The following SYTL3 variants were observed in gnomAD, a reference collection of about 807,000 sequenced individuals.
SYTL3 encodes the protein synaptotagmin like 3.
In SYTL3, 88 loss-of-function variants were observed where a neutral mutation model predicts 82.1. The observed-to-expected ratio is 1.07, with a 90% CI of 0.90 to 1.28. The LOEUF is 1.28. Among genes scored for constraint, SYTL3 ranks in the 50% most tolerant of loss-of-function variants. The pLI, the probability that SYTL3 is intolerant of heterozygous loss-of-function variation, is 0.00. For missense variants in SYTL3, 831 were observed against 757.6 expected (o/e 1.10, Z -1.14); for synonymous variants, 311 against 289.4 (o/e 1.07, Z -0.76).
chr6:158,760,800 G>GT, intron 15 of SYTL3, 55 bp downstream of exon 15: 1 of 1,426,890 alleles, frequency 7.0e-7, no homozygotes, highest in East Asian at 2.3e-5. Flanking sequence ...GCAGAGCCTG[G>GT]TGCTGCAGGC....
Position 158,762,875 on chromosome 6 carries a change from C to T in SYTL3, c.1518-429C>T, listed in dbSNP as rs138155759. ...GAGGTTGCAGTGAGCTGAGATGGTG[C>T]CACTTCACTCCAGCCTGGGCGACAG... is the stretch of plus-strand genomic sequence containing the variant. On this transcript the variant is annotated intron_variant, in intron 16 of 17. Transcript: ENST00000611299. Among the ~76,000 whole-genome samples, 606 of 152,196 alleles carry T rather than the reference C, an allele frequency of 4.0e-3. 3 individuals are homozygous for T. Among genetic ancestry groups the T allele is most frequent in the Non-Finnish European group, 6.3e-3 (430 of 68,010 alleles).
At chr6:158,740,457 C>T (rs546811415) in intron 11 of SYTL3, among the ~76,000 whole-genome samples, 21 of 152,204 alleles carry the variant, frequency 1.4e-4, no homozygotes, top group African/African-American at 5.1e-4. Context: ...TTATATCTTT[C>T]AGTGCCAGTA....
chr6:158,751,828 T>G (rs1265131939), intron 12 of SYTL3, 100 bp from the exon 13 acceptor site: 7 of 869,112 alleles, frequency 8.1e-6, no homozygotes, highest in Non-Finnish European at 1.2e-5. Flanking sequence ...GGAAGCCTGG[T>G]AAAGAAAACG....
intron 11 of SYTL3, among the ~76,000 whole-genome samples, chr6:158,738,461 C>T (rs954407329): frequency 1.3e-5 from 2 of 152,152 alleles, no homozygotes; most frequent in Non-Finnish European, 2.9e-5. Context: ...CTGATGCCTG[C>T]AGCAATACTT....
At chr6:158,654,763 A>G (rs1224983800) in intron 2 of SYTL3, among the ~76,000 whole-genome samples, 1 of 152,126 alleles carries the variant, frequency 6.6e-6, no homozygotes, top group Non-Finnish European at 1.5e-5. Flanking sequence ...CTGGCTGGGT[A>G]TGAGCCCAGA....
chr6:158,721,316 A>T (rs1161445356), intron 10 of SYTL3, among the ~76,000 whole-genome samples: 1 of 151,954 alleles, frequency 6.6e-6, no homozygotes, highest in East Asian at 1.9e-4. Context: ...CGAAGGCTTA[A>T]GTGATCCTCC....
intron 2 of SYTL3, among the ~76,000 whole-genome samples, chr6:158,655,240 T>C (rs1788542328): frequency 6.6e-6 from 1 of 152,244 alleles, no homozygotes; most frequent in South Asian, 2.1e-4. Context: ...TTCTGAAGAC[T>C]GAGGTTTTCT....
At chr6:158,697,043 CTAAGTGAAA>C (rs1381806368) in intron 6 of SYTL3, among the ~76,000 whole-genome samples, 1 of 151,346 alleles carries the variant, frequency 6.6e-6, no homozygotes, top group Admixed American at 6.6e-5. Context: ...TTAGCAAGTG[CTAAGTGAAA>C]TAAGGTAAGC....
At chr6:158,709,308 G>A (rs529399157) in intron 8 of SYTL3, among the ~76,000 whole-genome samples, 4 of 152,250 alleles carry the variant, frequency 2.6e-5, no homozygotes, top group African/African-American at 7.2e-5. Context: ...AAAGTGCTCC[G>A]AACACTTGCG....
At position 158,681,059 on chromosome 6, in the gene SYTL3, A is replaced by G. The variant is rs56828375; in HGVS notation, c.330-1866A>G. 8.7e-4 allele frequency among the ~76,000 whole-genome samples: 133 copies of G among 152,346 alleles called. 1 individual carries two copies. The highest frequency in any genetic ancestry group is 2.8e-3 in the African/African-American group (117 of 41,584). Reference sequence around the variant, plus strand: ...CCTAATGGAGAATTTATTTCAGTCAATACTGTAATTTATAGAAGAGAATCA... The same window carrying G: ...CCTAATGGAGAATTTATTTCAGTCAGTACTGTAATTTATAGAAGAGAATCA... On this transcript the variant is annotated intron_variant, in intron 5 of 17. Transcript: ENST00000611299.
At chr6:158,752,698 G>C (rs1049148489) in intron 13 of SYTL3, among the ~76,000 whole-genome samples, 1 of 152,214 alleles carries the variant, frequency 6.6e-6, no homozygotes, top group African/African-American at 2.4e-5. Flanking sequence ...GGGTAGCCCA[G>C]AGCTGCAGAG....
chr6:158,707,205 C>T (rs761607259), intron 6 of SYTL3, 25 bp from the exon 7 acceptor site: 59 of 1,611,362 alleles, frequency 3.7e-5, no homozygotes, highest in South Asian at 7.7e-5. Flanking sequence ...TAATAATAAA[C>T]GCCCTCTATG....
At chr6:158,748,780 C>G (rs963900560) in intron 12 of SYTL3, among the ~76,000 whole-genome samples, 2 of 148,630 alleles carry the variant, frequency 1.3e-5, no homozygotes, top group East Asian at 4.0e-4. Flanking sequence ...GGGAGGTAGA[C>G]GTTGCAGTGA....
At chr6:158,687,533 G>A (rs1233135997) in intron 6 of SYTL3, among the ~76,000 whole-genome samples, 1 of 152,244 alleles carries the variant, frequency 6.6e-6, no homozygotes, top group Non-Finnish European at 1.5e-5. Context: ...GGGACCGTCT[G>A]TGTGCTACCA....
Position 158,701,175 on chromosome 6 carries a change from G to GT in SYTL3, c.395-6055_395-6054insT, listed in dbSNP as rs201561663. The stretch of plus-strand genomic sequence containing the variant: ...GGTGAGCTGGGGTGTAGATGAAGGA[G>GT]GTGAGCTGGGGTGTAGATGAAGGAG... On this transcript the variant is annotated intron_variant, in intron 6 of 17. Transcript: ENST00000611299. Among the ~76,000 whole-genome samples the GT allele has an allele frequency of 5.2e-3, 624 of 119,042 alleles. 1 individual carries two copies. Among genetic ancestry groups the GT allele is most frequent in the African/African-American group, 0.017 (500 of 28,580 alleles). The allele number at this position is 119,042 out of a possible 152,430, so 78.1% of individuals were successfully genotyped here. A position where few individuals can be genotyped will look rare whatever the true frequency, so the allele number is the denominator to read the frequency against.
At position 158,684,616 on chromosome 6, in the gene SYTL3, C is replaced by T. The variant is rs114882099; in HGVS notation, c.394+1627C>T. Among the ~76,000 whole-genome samples the T allele has an allele frequency of 6.8e-3, 1,035 of 152,082 alleles. 17 individuals are homozygous for T. The highest frequency in any genetic ancestry group is 0.023 in the African/African-American group (973 of 41,460). On this transcript the variant is annotated intron_variant, in intron 6 of 17. Coordinates refer to ENST00000611299, the MANE Select transcript of SYTL3 (RefSeq NM_001242394.2). ...ACTCACAGCCTGACTCAGAGGGCAGCGGTGGCTCTTTTCTAGAAAAAGTGG... is the reference window on the plus strand; with the variant it reads ...ACTCACAGCCTGACTCAGAGGGCAGTGGTGGCTCTTTTCTAGAAAAAGTGG...
At chr6:158,707,343 T>A in intron 7 of SYTL3, 62 bp downstream of exon 7, 1 of 1,471,820 alleles carries the variant, frequency 6.8e-7, no homozygotes. Flanking sequence ...GAGGACACTC[T>A]GCAAGAACTT....
rs1411587428 is a variant in SYTL3 at position 158,688,812 on chromosome 6, T to G, written c.394+5823T>G. 2.0e-5 allele frequency among the ~76,000 whole-genome samples: 3 copies of G among 152,326 alleles called. No homozygotes were observed. In the East Asian group the frequency reaches 5.8e-4, roughly 29 times the overall value. The stretch of plus-strand genomic sequence containing the variant: ...GTGTATACACACATATACATAGACT[T>G]TTTTGAAGTATTTAGGTTGAACCAT... On this transcript the variant is annotated intron_variant, in intron 6 of 17. Coordinates refer to ENST00000611299, the MANE Select transcript of SYTL3 (RefSeq NM_001242394.2).
intron 11 of SYTL3, among the ~76,000 whole-genome samples, chr6:158,732,435 G>A (rs1412581757): frequency 1.3e-5 from 2 of 152,244 alleles, no homozygotes; most frequent in South Asian, 2.1e-4. Flanking sequence ...CGACTGTTAC[G>A]CGTGTGCGCA....
Sources: allele counts gnomAD v4.1 joint callset (sites outside exome capture counted in the v4.1 genomes callset), GRCh38; gene constraint gnomAD v4.1.1; transcripts MANE v1.5; gene names NCBI Gene and HGNC (gene_info 2026-07-23, HGNC 2026-07-21).